Variants in CDH13 observed in about 807,000 individuals in gnomAD.
CDH13 encodes the protein cadherin 13.
Under a neutral mutation model 63.8 loss-of-function variants are expected in CDH13, and 24 were observed. The ratio of observed to expected loss-of-function variants is 0.38; its 90% CI spans 0.27 to 0.53. The LOEUF is 0.53. Ranked by LOEUF, CDH13 falls within the 20% of genes least tolerant of loss-of-function variation. The probability of loss-of-function intolerance (pLI) is 0.85; values close to 1 mark genes in which losing one functional copy is unlikely to be tolerated. For missense variants in CDH13, 1,049 were observed against 903.1 expected, an observed-to-expected ratio of 1.16 and a Z score of -2.07; for synonymous variants, 503 against 355.3, an observed-to-expected ratio of 1.42 and a Z score of -4.67.
chr16:83,047,120 A>G lies in CDH13; in HGVS notation c.366+14902A>G, dbSNP rs567802325. On this transcript the variant is annotated intron_variant, in intron 3 of 13. Coordinates refer to ENST00000567109, the MANE Select transcript of CDH13 (RefSeq NM_001257.5). This position sits in a 1 kb window ranked among gnomAD's most constrained non-coding sequence, Gnocchi z 4.9. ...TTTACAACTTCCTTCCTTTGAAGATATAAAGCTTTAAACAGTAGTAGTTCT... is the reference window on the plus strand; with the variant it reads ...TTTACAACTTCCTTCCTTTGAAGATGTAAAGCTTTAAACAGTAGTAGTTCT... 1.3e-5 allele frequency among the ~76,000 whole-genome samples: 2 copies of G among 152,312 alleles called. No homozygotes were observed. Among genetic ancestry groups the G allele is most frequent in the South Asian group, 4.1e-4 (2 of 4,828 alleles).
At chr16:83,265,372 T>C (rs1423713695) in intron 5 of CDH13, among the ~76,000 whole-genome samples, 4 of 152,214 alleles carry the variant, frequency 2.6e-5, no homozygotes, top group Non-Finnish European at 5.9e-5. Flanking sequence ...ACTTTTAGAC[T>C]TGCAAATTTG....
chr16:83,678,879 C>G (rs148566666), intron 10 of CDH13, among the ~76,000 whole-genome samples: 2 of 152,170 alleles, frequency 1.3e-5, no homozygotes, highest in African/African-American at 2.4e-5. Context: ...ATTGTGGATT[C>G]GCAGATTCGT....
chr16:83,568,191 G>GA (rs149791666), intron 7 of CDH13, among the ~76,000 whole-genome samples: 102 of 146,500 alleles, frequency 7.0e-4, no homozygotes, highest in Admixed American at 3.1e-3. Context: ...AAAACAAAAG[G>GA]AAAAAAAAAA....
At chr16:82,783,215 C>T (rs959490401) in intron 1 of CDH13, among the ~76,000 whole-genome samples, 2 of 152,230 alleles carry the variant, frequency 1.3e-5, no homozygotes, top group Non-Finnish European at 2.9e-5. Flanking sequence ...AGCTCCTCCC[C>T]TTCAGGGCCA....
chr16:83,576,460 A>G (rs1015568107), intron 7 of CDH13, among the ~76,000 whole-genome samples: 1 of 152,190 alleles, frequency 6.6e-6, no homozygotes, highest in Non-Finnish European at 1.5e-5. Flanking sequence ...GTGCTGTTCT[A>G]TGAACGTGTG....
At chr16:82,889,443 A>G (rs555443683) in intron 2 of CDH13, among the ~76,000 whole-genome samples, 2 of 152,350 alleles carry the variant, frequency 1.3e-5, no homozygotes, top group East Asian at 3.9e-4. Context: ...AAGAAAAAAT[A>G]CAAGTAGCAA....
At chr16:83,415,107 A>T (rs1317251489) in intron 6 of CDH13, among the ~76,000 whole-genome samples, 1 of 152,094 alleles carries the variant, frequency 6.6e-6, no homozygotes, top group Non-Finnish European at 1.5e-5. Context: ...CACAGAAATA[A>T]AAAGGTTCAT....
intron 7 of CDH13, among the ~76,000 whole-genome samples, chr16:83,538,453 A>T (rs997719790): frequency 2.0e-5 from 3 of 152,224 alleles, no homozygotes; most frequent in Non-Finnish European, 4.4e-5. Flanking sequence ...TGCAGTCTGA[A>T]TTGAAATGAC....
At chr16:83,698,516 A>G (rs1435834920) in intron 10 of CDH13, among the ~76,000 whole-genome samples, 1 of 152,164 alleles carries the variant, frequency 6.6e-6, no homozygotes, top group Non-Finnish European at 1.5e-5. Context: ...CTTTCTTGGA[A>G]AGTTGATGCG....
At chr16:83,624,265 A>T (rs951349332) in intron 8 of CDH13, among the ~76,000 whole-genome samples, 1 of 152,068 alleles carries the variant, frequency 6.6e-6, no homozygotes, top group African/African-American at 2.4e-5. Flanking sequence ...CTCTCATAGA[A>T]AGACTTTTGG....
chr16:82,816,284 C>G (rs1243179865), intron 1 of CDH13, among the ~76,000 whole-genome samples: 2 of 152,156 alleles, frequency 1.3e-5, no homozygotes, highest in African/African-American at 4.8e-5. Flanking sequence ...TCTGAATTCA[C>G]TCAGTAAATA....
intron 8 of CDH13, among the ~76,000 whole-genome samples, chr16:83,659,648 G>T (rs1158815504): frequency 6.6e-6 from 1 of 152,166 alleles, no homozygotes; most frequent in African/African-American, 2.4e-5. Flanking sequence ...AAGGCTTTCA[G>T]GTGTTTTAAT....
At chr16:83,533,430 C>T (rs1173681824) in intron 7 of CDH13, among the ~76,000 whole-genome samples, 1 of 151,978 alleles carries the variant, frequency 6.6e-6, no homozygotes, top group Non-Finnish European at 1.5e-5. Flanking sequence ...CTGTGGGCAG[C>T]AGGTCCCTGC....
intron 3 of CDH13, among the ~76,000 whole-genome samples, chr16:83,045,634 T>TAAAAAAAAAAA (rs71382861): frequency 6.5e-5 from 7 of 107,918 alleles, no homozygotes; most frequent in African/African-American, 2.2e-4. Flanking sequence ...AAGATTCCTT[T>TAAAAAAAAAAA]AAAAAAAAAA....
intron 7 of CDH13, among the ~76,000 whole-genome samples, chr16:83,539,020 T>C (rs982746805): frequency 3.3e-5 from 5 of 152,120 alleles, no homozygotes; most frequent in African/African-American, 1.2e-4. Flanking sequence ...CAAGATTCAT[T>C]GTAAATCTTT....
chr16:83,287,009 C>G (rs912808334), intron 5 of CDH13, among the ~76,000 whole-genome samples: 1 of 152,064 alleles, frequency 6.6e-6, no homozygotes, highest in Admixed American at 6.6e-5. Flanking sequence ...CTCCTTTCAT[C>G]TGGAAGATAA....
At chr16:82,856,915 T>A (rs2039726095) in intron 1 of CDH13, among the ~76,000 whole-genome samples, 1 of 152,046 alleles carries the variant, frequency 6.6e-6, no homozygotes, top group African/African-American at 2.4e-5. Flanking sequence ...GGTGAGGGAA[T>A]TGGGATATTT....
chr16:82,953,740 T>C (rs1016365346), intron 2 of CDH13: 2 of 152,150 alleles, frequency 1.3e-5, no homozygotes, highest in Non-Finnish European at 2.9e-5. Context: ...ATAAGCACAA[T>C]ACCAGCTTGG....
intron 7 of CDH13, among the ~76,000 whole-genome samples, chr16:83,596,443 C>T (rs1276834219): frequency 6.6e-6 from 1 of 152,066 alleles, no homozygotes; most frequent in East Asian, 1.9e-4. Flanking sequence ...TTAGTCAATT[C>T]TTGGCAAGAG....
Sources: gnomAD v4.1 joint callset for allele counts (sites outside exome capture counted in the v4.1 genomes callset) on GRCh38, gnomAD v4.1.1 for gene constraint, Gnocchi (gnomAD v3.1) non-coding constraint, MANE v1.5 for transcripts, NCBI Gene and HGNC (gene_info 2026-07-23, HGNC 2026-07-21) for gene names.